OXR1: variants seen among roughly 807,000 people sequenced by gnomAD.
The protein encoded by OXR1 is oxidation resistance 1.
In OXR1, 41 loss-of-function variants were observed where a neutral mutation model predicts 104.6. The ratio of observed to expected loss-of-function variants is 0.39; its 90% CI spans 0.31 to 0.51. The LOEUF is 0.51. Ranked by LOEUF, OXR1 falls within the 20% of genes least tolerant of loss-of-function variation. The pLI is 0.77. For missense variants in OXR1, 955 were observed against 1,031.9 expected (o/e 0.93, Z 1.02); for synonymous variants, 348 against 348.4 (o/e 1.00, Z 0.01).
intron 2 of OXR1, among the ~76,000 whole-genome samples, chr8:106,410,764 G>A (rs1265445258): frequency 6.6e-6 from 1 of 152,012 alleles, no homozygotes; most frequent in African/African-American, 2.4e-5. Context: ...TGTATAACAA[G>A]CAACTTTAAA....
rs1361928972 is a variant in OXR1 at position 106,684,300 on chromosome 8, C to A, written c.466C>A (p.Leu156Ile). 2 of 1,610,990 alleles carry A rather than the reference C, an allele frequency of 1.2e-6. No individual in the cohort carries two copies. Among genetic ancestry groups the A allele is most frequent in the Admixed American group, 3.3e-5 (2 of 59,980 alleles). The part of the protein sequence containing the change: ...YVSSVESSPS[L>I]SPVSPLSPTS... ...CTCCAGTGTTGAGAGCTCTCCATCT[C>A]TAAGCCCCGTAAGTCCTCTGTCACC... The change falls in exon 6 of 17, where the codon CTA becomes ATA. Residue 156 changes from leucine to isoleucine, a missense_variant. This residue lies in a region of OXR1 where 849 missense variants were observed against 852.9 expected (regional missense o/e 1.00). Coordinates refer to ENST00000517566, the MANE Select transcript of OXR1 (RefSeq NM_001198533.2).
At chr8:106,382,510 T>G (rs1817188314) in intron 2 of OXR1, among the ~76,000 whole-genome samples, 1 of 152,044 alleles carries the variant, frequency 6.6e-6, no homozygotes, top group African/African-American at 2.4e-5. Flanking sequence ...GCTGTCCCAG[T>G]CACAGGCCTT....
intron 3 of OXR1, among the ~76,000 whole-genome samples, chr8:106,622,840 T>C (rs1423100525): frequency 6.6e-6 from 1 of 152,230 alleles, no homozygotes. Context: ...AATGAATTTT[T>C]GTCTTTTTCC....
At chr8:106,388,572 A>G (rs374775943) in intron 2 of OXR1, among the ~76,000 whole-genome samples, 20 of 151,896 alleles carry the variant, frequency 1.3e-4, no homozygotes, top group African/African-American at 4.6e-4. Flanking sequence ...ACAGGTGCCC[A>G]CCACCACACC....
At chr8:106,433,642 A>G (rs1332077506) in intron 2 of OXR1, among the ~76,000 whole-genome samples, 1 of 152,184 alleles carries the variant, frequency 6.6e-6, no homozygotes, top group Non-Finnish European at 1.5e-5. Context: ...AGAGTCAATT[A>G]GGTCTGATTT....
intron 3 of OXR1, among the ~76,000 whole-genome samples, chr8:106,606,467 A>ATTT (rs34425594): frequency 1.3e-4 from 18 of 136,930 alleles, no homozygotes; most frequent in African/African-American, 4.4e-4. Flanking sequence ...TGCCTGGCTA[A>ATTT]TTTTTTTTTT....
chr8:106,444,057 A>G (rs1459724864), intron 2 of OXR1, among the ~76,000 whole-genome samples: 1 of 152,220 alleles, frequency 6.6e-6, no homozygotes, highest in Admixed American at 6.5e-5. Context: ...CACTCAAAAG[A>G]AGACATTTAC....
intron 11 of OXR1, among the ~76,000 whole-genome samples, chr8:106,725,631 C>T (rs566942351): frequency 4.9e-4 from 74 of 152,202 alleles, no homozygotes; most frequent in African/African-American, 1.6e-3. Context: ...TTTCAGGTCA[C>T]TTTGAATATT....
At chr8:106,404,036 C>G (rs1453938074) in intron 2 of OXR1, among the ~76,000 whole-genome samples, 1 of 152,102 alleles carries the variant, frequency 6.6e-6, no homozygotes, top group African/African-American at 2.4e-5. Context: ...TCAGTTTCTT[C>G]AGGCAATGCA....
At chr8:106,471,036 A>G in intron 2 of OXR1, among the ~76,000 whole-genome samples, 1 of 151,736 alleles carries the variant, frequency 6.6e-6, no homozygotes, top group Non-Finnish European at 1.5e-5. Context: ...GACAATAAAT[A>G]TGAGTCCATG....
At position 106,388,424 on chromosome 8, in the gene OXR1, C is replaced by CTT. The variant is rs754817003; in HGVS notation, c.23+28801_23+28802dup. On this transcript the variant is annotated intron_variant, in intron 2 of 16. Coordinates refer to ENST00000517566, the MANE Select transcript of OXR1 (RefSeq NM_001198533.2). ...CCAAGGTCTCACAGGACTTTCAGTT[C>CTT]TTTTTTTTTTTTTTCTGAGACAGTG... Among the ~76,000 whole-genome samples the CTT allele has an allele frequency of 2.9e-3, 412 of 142,586 alleles. 1 individual carries two copies. Among genetic ancestry groups the CTT allele is most frequent in the African/African-American group, 9.4e-3 (368 of 39,150 alleles). The allele number at this position is 142,586 out of a possible 152,430, so 93.5% of individuals were successfully genotyped here. A position where few individuals can be genotyped will look rare whatever the true frequency, so the allele number is the denominator to read the frequency against.
chr8:106,513,208 G>C (rs957605670), intron 2 of OXR1, among the ~76,000 whole-genome samples: 2 of 152,094 alleles, frequency 1.3e-5, no homozygotes, highest in African/African-American at 2.4e-5. Flanking sequence ...TGTGACTTCA[G>C]ATTTCATTAT....
chr8:106,291,101 T>C (rs1353223972), intron 1 of OXR1, among the ~76,000 whole-genome samples: 1 of 152,192 alleles, frequency 6.6e-6, no homozygotes, highest in East Asian at 1.9e-4. Flanking sequence ...CATCATGGAA[T>C]ACTATGCAGC....
At chr8:106,747,702 G>A (rs910895469) in intron 16 of OXR1, among the ~76,000 whole-genome samples, 1 of 152,090 alleles carries the variant, frequency 6.6e-6, no homozygotes, top group Non-Finnish European at 1.5e-5. Flanking sequence ...AAATGCAGAG[G>A]TACCCATTGT....
intron 3 of OXR1, among the ~76,000 whole-genome samples, chr8:106,538,512 A>C (rs541909162): frequency 9.2e-5 from 14 of 152,296 alleles, no homozygotes; most frequent in African/African-American, 3.4e-4. Context: ...ATTTTCCAAA[A>C]TGTACCAATT....
chr8:106,549,142 A>G (rs1306108982), intron 3 of OXR1, among the ~76,000 whole-genome samples: 2 of 152,232 alleles, frequency 1.3e-5, no homozygotes, highest in African/African-American at 2.4e-5. Flanking sequence ...AACAGCCTAA[A>G]TAGAAGCAAT....
chr8:106,561,563 AC>A (rs1394672066), intron 3 of OXR1, among the ~76,000 whole-genome samples: 2 of 152,128 alleles, frequency 1.3e-5, no homozygotes, highest in Non-Finnish European at 2.9e-5. Flanking sequence ...GCTGACTTAA[AC>A]GTTCCTGTCT....
chr8:106,695,231 A>G (rs1313268879), intron 7 of OXR1, among the ~76,000 whole-genome samples: 1 of 151,558 alleles, frequency 6.6e-6, no homozygotes, highest in Non-Finnish European at 1.5e-5. Flanking sequence ...CTTATTCCCT[A>G]CACTTGTCAT....
intron 7 of OXR1, among the ~76,000 whole-genome samples, chr8:106,698,494 C>T (rs1206756079): frequency 6.6e-6 from 1 of 152,158 alleles, no homozygotes; most frequent in African/African-American, 2.4e-5. Flanking sequence ...CCCATCCTCT[C>T]TTTCCTCTTC....
Sources: allele counts gnomAD v4.1 joint callset (sites outside exome capture counted in the v4.1 genomes callset), GRCh38; gene constraint gnomAD v4.1.1; regional missense constraint gnomAD v4.1.1; transcripts MANE v1.5; gene names NCBI Gene and HGNC (gene_info 2026-07-23, HGNC 2026-07-21).